The following ZC3H3 variants were observed in gnomAD, a reference collection of about 807,000 sequenced individuals.
ZC3H3 encodes the protein zinc finger CCCH-type containing 3, also known as zinc finger CCCH domain-containing protein 3.
ZC3H3 carries 36 observed loss-of-function variants against 77.3 expected under a neutral mutation model. The observed-to-expected ratio is 0.47, with a 90% CI of 0.36 to 0.61. The LOEUF (loss-of-function observed/expected upper bound fraction) is 0.61. ZC3H3 is among the 20% of genes least tolerant of loss of function. ZC3H3 has a pLI of 0.00. For synonymous variants in ZC3H3, 626 were observed against 555.2 expected (o/e 1.13, Z -1.79); for missense variants, 1,331 against 1,312.2 (o/e 1.01, Z -0.22).
At chr8:143,455,978 C>CAAAAAAAAAAAAAA (rs58754874) in intron 9 of ZC3H3, among the ~76,000 whole-genome samples, 1 of 40,920 alleles carries the variant, frequency 2.4e-5, no homozygotes. Flanking sequence ...GACTCTGTCT[C>CAAAAAAAAAAAAAA]AAAAAAAAAA....
chr8:143,469,364 T>G (rs1473024756), intron 5 of ZC3H3, among the ~76,000 whole-genome samples: 1 of 152,158 alleles, frequency 6.6e-6, no homozygotes, highest in Non-Finnish European at 1.5e-5. Context: ...GCAGAGAAGG[T>G]GTGGGGGCAA....
In ZC3H3 at chr8:143,450,678, G is replaced by A. The variant is rs892386343; in HGVS notation, c.2308-9558C>T. Among the ~76,000 whole-genome samples, 4 of 152,126 alleles carry A rather than the reference G, an allele frequency of 2.6e-5. No homozygotes were observed. In the South Asian group the frequency reaches 8.3e-4, roughly 32 times the overall value. ...TGGAGCAGGAGGTCGAGAGAGGGAG[G>A]AGGTGCTACACACTTTTAAACAGCC... On this transcript the variant is annotated intron_variant, in intron 9 of 11. Transcript: ENST00000262577.
intron 4 of ZC3H3, among the ~76,000 whole-genome samples, chr8:143,496,918 C>T (rs1371227845): frequency 1.3e-5 from 2 of 152,216 alleles, no homozygotes; most frequent in Non-Finnish European, 2.9e-5. Flanking sequence ...AAATAGCTGG[C>T]CTCTCTTGTC....
At chr8:143,521,839 T>C (rs1424379556) in intron 3 of ZC3H3, among the ~76,000 whole-genome samples, 2 of 152,166 alleles carry the variant, frequency 1.3e-5, no homozygotes. Flanking sequence ...AGGGTTTTTC[T>C]GTTCTCCACC....
intron 8 of ZC3H3, 52 bp downstream of exon 8, chr8:143,468,157 T>C: frequency 1.3e-6 from 2 of 1,582,002 alleles, no homozygotes; most frequent in Non-Finnish European, 1.7e-6. Flanking sequence ...GCCAGGTGGC[T>C]GAGGCCCCGG....
Position 143,538,584 on chromosome 8 carries a change from C to T in ZC3H3, c.783G>A (p.Gly261=). ...SVASCAPQLL[G]DRRVDAGHTD... is the part of the protein sequence containing the mutation. ...TGTGGCCAGCATCTACTCTCCTGTC[C>T]CCAAGGAGCTGTGGAGCACAGCTGG... is the stretch of plus-strand genomic sequence containing the variant. Residue 261 remains glycine, a synonymous_variant, in exon 2 of 12, where the codon GGG becomes GGA. Transcript: ENST00000262577. 3 of 1,610,662 alleles carry T rather than the reference C, an allele frequency of 1.9e-6. No homozygotes were observed. The highest frequency in any genetic ancestry group is 2.2e-5 in the South Asian group (2 of 91,084).
At chr8:143,521,796 C>A (rs151173545) in intron 3 of ZC3H3, among the ~76,000 whole-genome samples, 1 of 152,348 alleles carries the variant, frequency 6.6e-6, no homozygotes, top group South Asian at 2.1e-4. Context: ...ATTGAGCACA[C>A]ATGCATCTTT....
At chr8:143,498,542 C>T (rs1419720657) in intron 4 of ZC3H3, among the ~76,000 whole-genome samples, 1 of 151,254 alleles carries the variant, frequency 6.6e-6, no homozygotes, top group African/African-American at 2.5e-5. Flanking sequence ...CTAGGACATA[C>T]AAGTAGGCAG....
rs1200396162 is a variant in ZC3H3 at position 143,489,023 on chromosome 8, C to T, written c.1716-13438G>A. 2.0e-5 allele frequency among the ~76,000 whole-genome samples: 3 copies of T among 152,234 alleles called. No homozygotes were observed. In the East Asian group the frequency reaches 5.8e-4, roughly 29 times the overall value. ...CCAGCAGTCATGCCCCCTCTGTCCCCCAAGCCAGTGGCAGCGCTGACCCCC... is the reference window on the plus strand; with the variant it reads ...CCAGCAGTCATGCCCCCTCTGTCCCTCAAGCCAGTGGCAGCGCTGACCCCC... On this transcript the variant is annotated intron_variant, in intron 4 of 11. Coordinates refer to ENST00000262577, the MANE Select transcript of ZC3H3 (RefSeq NM_015117.3).
At chr8:143,467,117 C>A (rs1820430209) in intron 8 of ZC3H3, among the ~76,000 whole-genome samples, 1 of 152,062 alleles carries the variant, frequency 6.6e-6, no homozygotes. Flanking sequence ...GGGCTGGGGG[C>A]CGTTTGGGGC....
intron 3 of ZC3H3, among the ~76,000 whole-genome samples, chr8:143,509,070 T>C (rs1821796219): frequency 6.6e-6 from 1 of 151,944 alleles, no homozygotes; most frequent in Admixed American, 6.6e-5. Context: ...AAAGAGCCCC[T>C]CCCTCAGGCG....
In ZC3H3 at chr8:143,502,150, C is replaced by T. The variant is rs563537349; in HGVS notation, c.1715+5596G>A. On this transcript the variant is annotated intron_variant, in intron 4 of 11. Coordinates refer to ENST00000262577, the MANE Select transcript of ZC3H3 (RefSeq NM_015117.3). Reference sequence around the variant, plus strand: ...AGGCCCTTGCCAGACACCAAGTCTGCCCAGCAACCTGGTCTCAAACGTCCG... The same window carrying T: ...AGGCCCTTGCCAGACACCAAGTCTGTCCAGCAACCTGGTCTCAAACGTCCG... 2.0e-5 allele frequency among the ~76,000 whole-genome samples: 3 copies of T among 152,382 alleles called. No homozygotes were observed. In the South Asian group the frequency reaches 6.2e-4, roughly 32 times the overall value.
chr8:143,469,201 C>T (rs563379340), intron 5 of ZC3H3, among the ~76,000 whole-genome samples: 2 of 152,376 alleles, frequency 1.3e-5, no homozygotes, highest in East Asian at 3.9e-4. Flanking sequence ...CTGCTAACAG[C>T]AGCACCTCCC....
rs747294910 is a variant in ZC3H3, at chr8:143,538,299, G to C, written c.1068C>G (p.Asp356Glu). Reference sequence around the variant, plus strand: ...CTGGCTTCCTGGGCTTGGGCTCTGGGTCAGCTATGAGCTGCGGCTTCTCCA... The same window carrying C: ...CTGGCTTCCTGGGCTTGGGCTCTGGCTCAGCTATGAGCTGCGGCTTCTCCA... ...NKVEKPQLIA[D>E]PEPKPRKPAT... Residue 356 changes from aspartate (D) to glutamate (E), a missense_variant, in exon 2 of 12, where the codon GAC becomes GAG. Physicochemically the swap from Asp to Glu is conservative, Grantham distance 45. This residue lies in a region of ZC3H3 where 978 missense variants were observed against 915.5 expected (regional missense o/e 1.07). Coordinates refer to ENST00000262577, the MANE Select transcript of ZC3H3 (RefSeq NM_015117.3). 6.2e-7 allele frequency: 1 copy of C among 1,612,992 alleles called. No individual in the cohort carries two copies. Among genetic ancestry groups the C allele is most frequent in the South Asian group, 1.1e-5 (1 of 91,090 alleles).
intron 9 of ZC3H3, among the ~76,000 whole-genome samples, chr8:143,447,715 C>G (rs1423465743): frequency 6.6e-6 from 1 of 152,306 alleles, no homozygotes; most frequent in East Asian, 1.9e-4. Flanking sequence ...GAGGGAGGCA[C>G]TTCACACGGC....
At chr8:143,476,643 C>T (rs1820742967) in intron 4 of ZC3H3, among the ~76,000 whole-genome samples, 1 of 152,256 alleles carries the variant, frequency 6.6e-6, no homozygotes, top group African/African-American at 2.4e-5. Flanking sequence ...TGCCATGACC[C>T]CTGAGGTGGA....
chr8:143,477,002 T>C (rs1820753347), intron 4 of ZC3H3, among the ~76,000 whole-genome samples: 1 of 152,104 alleles, frequency 6.6e-6, no homozygotes, highest in Non-Finnish European at 1.5e-5. Flanking sequence ...GACAGCAGCA[T>C]ATCCATCAAA....
intron 3 of ZC3H3, among the ~76,000 whole-genome samples, chr8:143,512,563 C>T (rs918100645): frequency 4.6e-5 from 7 of 152,204 alleles, no homozygotes; most frequent in Non-Finnish European, 1.0e-4. Context: ...CCTTCCAGTA[C>T]GGCCGTGAAT....
chr8:143,468,223 C>T lies in ZC3H3; in HGVS notation c.2161G>A (p.Val721Met), dbSNP rs1373316052. 2 of 1,612,774 alleles carry T rather than the reference C, an allele frequency of 1.2e-6. No individual in the cohort carries two copies. The highest frequency in any genetic ancestry group is 2.7e-5 in the African/African-American group (2 of 74,928). The change falls in exon 8 of 12, where the codon GTG becomes ATG. Residue 721 changes from valine to methionine, a missense_variant. By Grantham distance (21) the Val-to-Met change is conservative (BLOSUM62 1). Around this residue, in one of 3 missense-constraint regions of ZC3H3, gnomAD observed 104 missense variants for 159.7 expected, o/e 0.65. Coordinates refer to ENST00000262577, the MANE Select transcript of ZC3H3 (RefSeq NM_015117.3). ...GCCGCACTCACCTTCTCCTTGGACA[C>T]ATGGTGGGAGAAGGGGCAGGTCCCA... ...TDGTCPFSHH[V>M]SKEKMPVCSY...
Sources: allele counts gnomAD v4.1 joint callset (sites outside exome capture counted in the v4.1 genomes callset), GRCh38; gene constraint gnomAD v4.1.1; regional missense constraint gnomAD v4.1.1; transcripts MANE v1.5; gene names NCBI Gene and HGNC (gene_info 2026-07-23, HGNC 2026-07-21).